The following FOXN3 variants were observed in gnomAD, a reference collection of about 807,000 sequenced individuals.
FOXN3 encodes the protein forkhead box protein N3.
In FOXN3, 7 loss-of-function variants were observed where a neutral mutation model predicts 38.4. That is an observed-to-expected ratio of 0.18 (90% CI 0.10 to 0.34). FOXN3 has a LOEUF of 0.34. Among genes scored for constraint, FOXN3 ranks in the 10% least tolerant of loss-of-function variants. FOXN3 has a pLI of 1.00. For synonymous variants in FOXN3, 230 were observed against 242.2 expected (o/e 0.95, Z 0.47); for missense variants, 456 against 613.4 (o/e 0.74, Z 2.71).
In FOXN3 at chr14:89,548,584, C is replaced by T. The variant is rs1045369392; in HGVS notation, c.-15+70444G>A. On this transcript the variant is annotated intron_variant, in intron 1 of 6. Coordinates refer to the FOXN3 transcript ENST00000345097. This position sits in a 1 kb window ranked among gnomAD's most constrained non-coding sequence, Gnocchi z 4.8. Reference sequence around the variant, plus strand: ...GTTTCAAAGGCATACACTAACTAATCGTATGGGATAATGTATGTAAAAGTA... The same window carrying T: ...GTTTCAAAGGCATACACTAACTAATTGTATGGGATAATGTATGTAAAAGTA... Among the ~76,000 whole-genome samples, 4 of 152,088 alleles carry T rather than the reference C, an allele frequency of 2.6e-5. No individual in the cohort carries two copies. Among genetic ancestry groups the T allele is most frequent in the South Asian group, 2.1e-4 (1 of 4,836 alleles).
intron 1 of FOXN3, among the ~76,000 whole-genome samples, chr14:89,587,590 G>A (rs141020919): frequency 1.2e-4 from 19 of 152,266 alleles, no homozygotes; most frequent in African/African-American, 4.1e-4. Context: ...GCATCAGGCC[G>A]GGCACAGTGG....
At chr14:89,607,671 A>G (rs1021767291) in intron 1 of FOXN3, among the ~76,000 whole-genome samples, 1 of 152,158 alleles carries the variant, frequency 6.6e-6, no homozygotes, top group African/African-American at 2.4e-5. Context: ...TGACCAGGCT[A>G]ACATATTTAG....
intron 4 of FOXN3, among the ~76,000 whole-genome samples, chr14:89,212,244 T>C (rs1884117831): frequency 6.6e-6 from 1 of 152,206 alleles, no homozygotes; most frequent in Admixed American, 6.5e-5. Context: ...CAGTGTTATG[T>C]TATCAGAATC....
chr14:89,250,083 T>C (rs920451668), intron 4 of FOXN3, among the ~76,000 whole-genome samples: 37 of 152,156 alleles, frequency 2.4e-4, no homozygotes, highest in African/African-American at 7.7e-4. Context: ...CTGAACCAAT[T>C]TGACTGAACA....
At chr14:89,259,250 C>A (rs1436634412) in intron 4 of FOXN3, among the ~76,000 whole-genome samples, 2 of 152,230 alleles carry the variant, frequency 1.3e-5, no homozygotes, top group Non-Finnish European at 2.9e-5. Flanking sequence ...TGCTGTATGA[C>A]TGATGATCTC....
intron 4 of FOXN3, among the ~76,000 whole-genome samples, chr14:89,224,871 T>G (rs1884582474): frequency 6.6e-6 from 1 of 151,952 alleles, no homozygotes; most frequent in Non-Finnish European, 1.5e-5. Context: ...TGGCTCACGC[T>G]TGTAAGCCCA....
chr14:89,169,395 C>T (rs780216117), intron 5 of FOXN3, among the ~76,000 whole-genome samples: 4 of 152,026 alleles, frequency 2.6e-5, no homozygotes, highest in Non-Finnish European at 4.4e-5. Context: ...GAGCTGTGTT[C>T]GTGCCACTGC....
chr14:89,286,832 T>C (rs1250691136), intron 3 of FOXN3, among the ~76,000 whole-genome samples: 1 of 152,082 alleles, frequency 6.6e-6, no homozygotes, highest in Non-Finnish European at 1.5e-5. Context: ...ACTCACCGTT[T>C]GAGAAGCATC....
At chr14:89,392,152 G>A (rs531446184) in intron 2 of FOXN3, among the ~76,000 whole-genome samples, 3 of 152,284 alleles carry the variant, frequency 2.0e-5, no homozygotes, top group African/African-American at 7.2e-5. Flanking sequence ...GCATTAGGAG[G>A]GAGAGAAGTT....
intron 3 of FOXN3, among the ~76,000 whole-genome samples, chr14:89,316,293 G>C (rs928690285): frequency 1.4e-4 from 21 of 151,978 alleles, no homozygotes; most frequent in African/African-American, 5.1e-4. Context: ...AATATACAAG[G>C]GAGCCCAGCT....
intron 1 of FOXN3, among the ~76,000 whole-genome samples, chr14:89,570,288 C>T (rs988148865): frequency 1.1e-4 from 16 of 152,104 alleles, no homozygotes; most frequent in African/African-American, 2.7e-4. Flanking sequence ...CGTGAACCAC[C>T]GCATCCAGCC....
chr14:89,260,306 G>A (rs755193902), intron 4 of FOXN3, among the ~76,000 whole-genome samples: 5 of 152,170 alleles, frequency 3.3e-5, no homozygotes, highest in Non-Finnish European at 5.9e-5. Flanking sequence ...TTTTCTGTAC[G>A]GGGATCTGCT....
At chr14:89,457,275 G>A (rs557654873) in intron 1 of FOXN3, among the ~76,000 whole-genome samples, 32 of 152,172 alleles carry the variant, frequency 2.1e-4, no homozygotes, top group Non-Finnish European at 3.5e-4. Flanking sequence ...AGAAAGACGC[G>A]AAGACCAGCC....
At chr14:89,580,522 T>C (rs1895721214) in intron 1 of FOXN3, among the ~76,000 whole-genome samples, 1 of 152,206 alleles carries the variant, frequency 6.6e-6, no homozygotes, top group Non-Finnish European at 1.5e-5. Context: ...CTCATCCTAC[T>C]GGAAAATGTT....
intron 1 of FOXN3, among the ~76,000 whole-genome samples, chr14:89,507,317 T>C (rs1400099907): frequency 1.3e-5 from 2 of 152,076 alleles, no homozygotes; most frequent in African/African-American, 4.8e-5. Context: ...ATGCAGGCAA[T>C]CGGAGCTATC....
rs1891572237 is a variant in FOXN3, at chr14:89,412,596, C to G, written c.-14-106G>C. ...CCTCCCTCTGCCGCCTCTATGGAAC[C>G]CCTGCTACACAGGAACACCACCTTG... is the stretch of plus-strand genomic sequence containing the variant. On this transcript the variant is annotated intron_variant, in intron 1 of 5. Transcript: ENST00000557258. This position sits in a 1 kb window ranked among gnomAD's most constrained non-coding sequence, Gnocchi z 4.7. 3 of 839,182 alleles carry G rather than the reference C, an allele frequency of 3.6e-6. No homozygotes were observed. The South Asian group carries it at 5.6e-5, about 16-fold the overall frequency. 52.0% of individuals were successfully genotyped at this position (839,182 alleles called of 1,614,324 possible).
intron 4 of FOXN3, among the ~76,000 whole-genome samples, chr14:89,275,800 G>A (rs1228575468): frequency 6.6e-6 from 1 of 152,192 alleles, no homozygotes; most frequent in African/African-American, 2.4e-5. Context: ...TACGGACTGC[G>A]TGTACATTGG....
At chr14:89,440,903 T>C in intron 1 of FOXN3, among the ~76,000 whole-genome samples, 1 of 152,148 alleles carries the variant, frequency 6.6e-6, no homozygotes, top group Non-Finnish European at 1.5e-5. Flanking sequence ...TTTGATGTTA[T>C]TTATGGTTTC....
chr14:89,610,099 A>G (rs993291343), intron 1 of FOXN3, among the ~76,000 whole-genome samples: 1 of 152,166 alleles, frequency 6.6e-6, no homozygotes, highest in South Asian at 2.1e-4. Context: ...TAAAGGGACT[A>G]TTAAAAATGA....
Sources: gnomAD v4.1 joint callset for allele counts (sites outside exome capture counted in the v4.1 genomes callset) on GRCh38, gnomAD v4.1.1 for gene constraint, Gnocchi (gnomAD v3.1) non-coding constraint, MANE v1.5 for transcripts, NCBI Gene and HGNC (gene_info 2026-07-23, HGNC 2026-07-21) for gene names.